HDAC8: variants seen among roughly 807,000 people sequenced by gnomAD.
HDAC8 encodes the protein histone deacetylase 8.
In HDAC8, 1 loss-of-function variant was observed where a neutral mutation model predicts 32.2. That is an observed-to-expected ratio of 0.03 (90% CI 0.01 to 0.15). The LOEUF (loss-of-function observed/expected upper bound fraction) is 0.15. Among genes scored for constraint, HDAC8 ranks in the 10% least tolerant of loss-of-function variants. The pLI is 1.00. For missense variants in HDAC8, 117 were observed against 300.0 expected (o/e 0.39, Z 4.51); for synonymous variants, 108 against 113.9 (o/e 0.95, Z 0.33).
At chrX:72,363,002 G>C (rs66612923) in intron 9 of HDAC8, among the ~76,000 whole-genome samples, 8,190 of 111,366 alleles carry the variant, frequency 0.074, 602 homozygotes, top group East Asian at 0.23. Context: ...AATGAGAAGG[G>C]GCTTAGATTG....
In HDAC8 at chrX:72,428,197, G is replaced by A. The variant is rs1438780578; in HGVS notation, c.1005+33807C>T. Reference sequence around the variant, plus strand: ...CAACCTCCGCCTCCCAGGTTCACGCGATTCTCCTGCCTCAGCCTCCTGAGT... The same window carrying A: ...CAACCTCCGCCTCCCAGGTTCACGCAATTCTCCTGCCTCAGCCTCCTGAGT... On this transcript the variant is annotated intron_variant, in intron 9 of 10. Coordinates refer to ENST00000373573, the MANE Select transcript of HDAC8 (RefSeq NM_018486.3). Among the ~76,000 whole-genome samples, 7 of 112,045 alleles carry A rather than the reference G, an allele frequency of 6.2e-5. No individual in the cohort carries two copies. In the East Asian group the frequency reaches 1.4e-3, roughly 23 times the overall value.
chrX:72,431,078 C>T (rs2046802562), intron 9 of HDAC8, among the ~76,000 whole-genome samples: 1 of 111,287 alleles, frequency 9.0e-6, no homozygotes, highest in Non-Finnish European at 1.9e-5. Flanking sequence ...TGATCCCTGC[C>T]TTCTCCCTGT....
chrX:72,377,487 A>G (rs2045117334), intron 9 of HDAC8, among the ~76,000 whole-genome samples: 1 of 112,180 alleles, frequency 8.9e-6, no homozygotes, highest in Non-Finnish European at 1.9e-5. Context: ...ATTATTGAAA[A>G]TGGAGTATTG....
chrX:72,482,604 G>T (rs782176441), intron 7 of HDAC8, among the ~76,000 whole-genome samples: 2 of 66,719 alleles, frequency 3.0e-5, no homozygotes, highest in Non-Finnish European at 8.5e-5. Context: ...TTCTATTTTG[G>T]GGGGGGGGAT....
chrX:72,563,690 A>G (rs2051668623), intron 4 of HDAC8, among the ~76,000 whole-genome samples: 1 of 112,066 alleles, frequency 8.9e-6, no homozygotes, highest in Non-Finnish European at 1.9e-5. Context: ...AATTTTATAA[A>G]TAACACTGAT....
At chrX:72,380,231 A>G (rs1369992584) in intron 9 of HDAC8, among the ~76,000 whole-genome samples, 1 of 111,925 alleles carries the variant, frequency 8.9e-6, no homozygotes, top group Admixed American at 9.5e-5. Context: ...ACTGTTACCT[A>G]TTACCATAGG....
At chrX:72,343,399 C>A (rs902990590) in intron 10 of HDAC8, among the ~76,000 whole-genome samples, 1 of 110,180 alleles carries the variant, frequency 9.1e-6, no homozygotes, top group Admixed American at 9.7e-5. Flanking sequence ...TCTCCAACTC[C>A]TGGGCTCAAG....
chrX:72,494,732 C>CA (rs1229643922), intron 5 of HDAC8, among the ~76,000 whole-genome samples: 1 of 111,874 alleles, frequency 8.9e-6, no homozygotes, highest in Non-Finnish European at 1.9e-5. Context: ...CACGAGTTGG[C>CA]AACCTATTGG....
chrX:72,426,806 C>T (rs1234157477), intron 9 of HDAC8, among the ~76,000 whole-genome samples: 1 of 110,340 alleles, frequency 9.1e-6, no homozygotes, highest in Non-Finnish European at 1.9e-5. Context: ...CCCACTGTGA[C>T]TATACTTGGA....
chrX:72,491,061 CA>C, intron 5 of HDAC8, 55 bp from the exon 6 acceptor site: 1 of 874,492 alleles, frequency 1.1e-6, no homozygotes, highest in Non-Finnish European at 1.7e-6. Flanking sequence ...TTCCTATTTT[CA>C]ACATCTGAAA....
intron 4 of HDAC8, among the ~76,000 whole-genome samples, chrX:72,559,463 C>G (rs1457048143): frequency 2.7e-5 from 3 of 110,545 alleles, no homozygotes; most frequent in Admixed American, 9.5e-5. Flanking sequence ...CCCAAAGTGC[C>G]GAGATTGCAG....
rs192355558 is a variant in HDAC8, at chrX:72,359,762, T to C, written c.1006-7924A>G. Among the ~76,000 whole-genome samples the C allele has an allele frequency of 1.0e-3, 111 of 110,746 alleles. 1 individual carries two copies. The highest frequency in any genetic ancestry group is 2.3e-3 in the African/African-American group (69 of 30,435). On this transcript the variant is annotated intron_variant, in intron 9 of 10. Coordinates refer to ENST00000373573, the MANE Select transcript of HDAC8 (RefSeq NM_018486.3). ...GGGGATGGAGTGGATGGGAAAGAGATACTGTGATGGGGCTGAGCGTGGTGG... is the reference window on the plus strand; with the variant it reads ...GGGGATGGAGTGGATGGGAAAGAGACACTGTGATGGGGCTGAGCGTGGTGG...
chrX:72,545,160 A>C (rs1312935683), intron 4 of HDAC8, among the ~76,000 whole-genome samples: 1 of 111,844 alleles, frequency 8.9e-6, no homozygotes, highest in Non-Finnish European at 1.9e-5. Context: ...AATTCTGACA[A>C]AGTGAAGGAT....
intron 9 of HDAC8, among the ~76,000 whole-genome samples, chrX:72,449,702 G>T (rs6626003): frequency 0.027 from 2,968 of 110,916 alleles, 72 homozygotes; most frequent in East Asian, 0.18. Flanking sequence ...AGAGATGGCA[G>T]AATAGGTTAA....
chrX:72,371,999 C>A (rs965287783), intron 9 of HDAC8, among the ~76,000 whole-genome samples: 1 of 111,030 alleles, frequency 9.0e-6, no homozygotes, highest in Admixed American at 9.6e-5. Flanking sequence ...TGCTCAGGAC[C>A]AAACTTGAAT....
At chrX:72,450,423 C>G (rs2047540459) in intron 9 of HDAC8, among the ~76,000 whole-genome samples, 1 of 111,720 alleles carries the variant, frequency 9.0e-6, no homozygotes, top group African/African-American at 3.2e-5. Flanking sequence ...TAAAACTGGT[C>G]AAATTTAAAT....
At chrX:72,530,102 G>A (rs1417814191) in intron 4 of HDAC8, among the ~76,000 whole-genome samples, 1 of 111,984 alleles carries the variant, frequency 8.9e-6, no homozygotes, top group Non-Finnish European at 1.9e-5. Context: ...CTTTATAATA[G>A]TGTGAGAACG....
intron 9 of HDAC8, among the ~76,000 whole-genome samples, chrX:72,423,400 C>T (rs2046546366): frequency 2.7e-5 from 3 of 111,701 alleles, no homozygotes; most frequent in African/African-American, 9.8e-5. Flanking sequence ...CTAGTATTTC[C>T]CTCCATATGT....
At chrX:72,491,066 T>A (rs1357134827) in intron 5 of HDAC8, 60 bp from the exon 6 acceptor site, 19 of 837,723 alleles carry the variant, frequency 2.3e-5, no homozygotes, top group Non-Finnish European at 3.2e-5. Flanking sequence ...ATTTTCAACA[T>A]CTGAAAATCT....
Sources: allele counts gnomAD v4.1 joint callset (sites outside exome capture counted in the v4.1 genomes callset), GRCh38; gene constraint gnomAD v4.1.1; transcripts MANE v1.5; gene names NCBI Gene and HGNC (gene_info 2026-07-23, HGNC 2026-07-21).